The following RGS7 variants were observed in gnomAD, a reference collection of about 807,000 sequenced individuals.
RGS7 encodes the protein regulator of G protein signaling 7.
In RGS7, 27 loss-of-function variants were observed where a neutral mutation model predicts 81.1. The ratio of observed to expected loss-of-function variants is 0.33; its 90% CI spans 0.25 to 0.46. The LOEUF is 0.46. RGS7 is among the 20% of genes least tolerant of loss of function. RGS7 has a pLI of 1.00. For missense variants in RGS7, 396 were observed against 607.4 expected, an observed-to-expected ratio of 0.65 and a Z score of 3.66; for synonymous variants, 208 against 207.7, an observed-to-expected ratio of 1.00 and a Z score of -0.01.
At chr1:240,884,967 A>T (rs949526294) in intron 6 of RGS7, among the ~76,000 whole-genome samples, 1 of 152,202 alleles carries the variant, frequency 6.6e-6, no homozygotes. Context: ...GTAAAGAGAC[A>T]ACCTATAGAA....
chr1:241,133,888 A>T (rs915236697), intron 2 of RGS7, among the ~76,000 whole-genome samples: 1 of 152,202 alleles, frequency 6.6e-6, no homozygotes, highest in East Asian at 1.9e-4. Context: ...CTAGCTTCAA[A>T]AAGCATTCAT....
At chr1:241,237,988 G>A (rs2815834) in intron 2 of RGS7, among the ~76,000 whole-genome samples, 38,414 of 152,044 alleles carry the variant, frequency 0.25, 4,968 homozygotes, top group South Asian at 0.34. Flanking sequence ...AACTCCATCC[G>A]CCAAGACCGT....
At chr1:240,823,995 G>T (rs1156833608) in intron 10 of RGS7, among the ~76,000 whole-genome samples, 1 of 152,072 alleles carries the variant, frequency 6.6e-6, no homozygotes, top group Non-Finnish European at 1.5e-5. Context: ...TTCTTTCACA[G>T]ATCCTTGAGA....
chr1:241,024,656 G>C (rs547629149), intron 3 of RGS7, among the ~76,000 whole-genome samples: 54 of 152,280 alleles, frequency 3.5e-4, no homozygotes, highest in Non-Finnish European at 7.1e-4. Context: ...ATAAATTATG[G>C]AGCAGAAAGT....
At chr1:241,071,597 C>T (rs1255616076) in intron 3 of RGS7, among the ~76,000 whole-genome samples, 1 of 151,034 alleles carries the variant, frequency 6.6e-6, no homozygotes, top group East Asian at 1.9e-4. Flanking sequence ...ATGAAGTCAG[C>T]TCTGCTTATC....
chr1:241,164,412 A>T lies in RGS7; in HGVS notation c.79-65650T>A, dbSNP rs1190042653. Among the ~76,000 whole-genome samples, 2 of 151,962 alleles carry T rather than the reference A, an allele frequency of 1.3e-5. No individual in the cohort carries two copies. The highest frequency in any genetic ancestry group is 4.8e-5 in the African/African-American group (2 of 41,346). On this transcript the variant is annotated intron_variant, in intron 2 of 18. Coordinates refer to ENST00000440928, the MANE Select transcript of RGS7 (RefSeq NM_001364886.1). The surrounding 1 kb of genome is among the most constrained non-coding windows in gnomAD (Gnocchi z 4.1). Reference sequence around the variant, plus strand: ...GAAAGTCCCAGCCCTCCAATCATGCATTGGTCTTTTCAGCGTCCGGTCCCC... The same window carrying T: ...GAAAGTCCCAGCCCTCCAATCATGCTTTGGTCTTTTCAGCGTCCGGTCCCC...
intron 6 of RGS7, among the ~76,000 whole-genome samples, chr1:240,908,370 AAG>A (rs985625238): frequency 2.4e-4 from 36 of 152,338 alleles, no homozygotes; most frequent in African/African-American, 8.2e-4. Flanking sequence ...AAATTAAAAA[AAG>A]AAAAATTTTC....
intron 4 of RGS7, among the ~76,000 whole-genome samples, chr1:240,969,787 T>C (rs939213156): frequency 6.6e-6 from 1 of 152,194 alleles, no homozygotes; most frequent in African/African-American, 2.4e-5. Flanking sequence ...ACACCAGGTA[T>C]GAATCCCAGC....
chr1:241,187,696 G>T (rs560192095), intron 2 of RGS7, among the ~76,000 whole-genome samples: 1 of 152,284 alleles, frequency 6.6e-6, no homozygotes, highest in South Asian at 2.1e-4. Context: ...GCTTTATAAA[G>T]AAATTAACAT....
intron 6 of RGS7, among the ~76,000 whole-genome samples, chr1:240,918,479 A>G (rs1672957363): frequency 6.6e-6 from 1 of 152,174 alleles, no homozygotes; most frequent in Non-Finnish European, 1.5e-5. Context: ...AAAATTAAAC[A>G]GTACACTTCT....
intron 9 of RGS7, among the ~76,000 whole-genome samples, chr1:240,832,057 T>C (rs1185823305): frequency 6.6e-6 from 1 of 152,150 alleles, no homozygotes; most frequent in African/African-American, 2.4e-5. Flanking sequence ...TGTCTTTGGT[T>C]ATTTAAAAAA....
At chr1:240,974,763 CAATTCAG>C (rs1683803327) in intron 4 of RGS7, among the ~76,000 whole-genome samples, 1 of 152,132 alleles carries the variant, frequency 6.6e-6, no homozygotes, top group South Asian at 2.1e-4. Context: ...CTAAAAAATT[CAATTCAG>C]TTAAATGTGC....
At chr1:241,026,579 A>G (rs573655479) in intron 3 of RGS7, among the ~76,000 whole-genome samples, 2 of 150,738 alleles carry the variant, frequency 1.3e-5, no homozygotes, top group African/African-American at 4.9e-5. Flanking sequence ...ACAGAGTGAG[A>G]CTCTGTCTCA....
At chr1:240,881,489 T>C (rs1386693030) in intron 6 of RGS7, among the ~76,000 whole-genome samples, 4 of 152,140 alleles carry the variant, frequency 2.6e-5, no homozygotes, top group African/African-American at 7.2e-5. Context: ...CCCTAGAACT[T>C]AAAGTATAAT....
chr1:241,344,078 C>T (rs945693645), intron 2 of RGS7, among the ~76,000 whole-genome samples: 2 of 152,030 alleles, frequency 1.3e-5, no homozygotes, highest in East Asian at 1.9e-4. Flanking sequence ...AAATGATATA[C>T]GGGATTTGCT....
At chr1:240,818,063 T>C (rs1691140117) in intron 10 of RGS7, among the ~76,000 whole-genome samples, 1 of 152,182 alleles carries the variant, frequency 6.6e-6, no homozygotes, top group Non-Finnish European at 1.5e-5. Context: ...ACTGAGGATA[T>C]CCATTTCTTT....
At chr1:241,162,183 G>A (rs140079811) in intron 2 of RGS7, among the ~76,000 whole-genome samples, 85 of 149,734 alleles carry the variant, frequency 5.7e-4, no homozygotes, top group Middle Eastern at 3.5e-3. Flanking sequence ...AAGAAAGACC[G>A]TCTCCCAATA....
At chr1:240,915,527 G>A (rs1284228902) in intron 6 of RGS7, among the ~76,000 whole-genome samples, 3 of 152,136 alleles carry the variant, frequency 2.0e-5, no homozygotes, top group South Asian at 2.1e-4. Flanking sequence ...AGACAACAGC[G>A]GGGAATAAAA....
intron 2 of RGS7, among the ~76,000 whole-genome samples, chr1:241,152,552 T>G (rs918864182): frequency 5.9e-5 from 9 of 152,234 alleles, no homozygotes; most frequent in Non-Finnish European, 1.3e-4. Context: ...TAGGTCTTGC[T>G]GACTCAGTTG....
Sources: allele counts gnomAD v4.1 joint callset (sites outside exome capture counted in the v4.1 genomes callset), GRCh38; gene constraint gnomAD v4.1.1; non-coding constraint Gnocchi (gnomAD v3.1); transcripts MANE v1.5; gene names NCBI Gene and HGNC (gene_info 2026-07-23, HGNC 2026-07-21).